The following ABTB3 variants were observed in gnomAD, a reference collection of about 807,000 sequenced individuals.
ABTB3 encodes the protein ankyrin repeat and BTB domain containing 3.
chr12:107,649,448 G>A, the ABTB3 span: 1 of 626,878 alleles, frequency 1.6e-6, no homozygotes, highest in South Asian at 2.0e-5. Flanking sequence ...TCCCAAACAG[G>A]AAGGGCTTCT....
At chr12:107,543,937 G>C in the ABTB3 span, 1 of 1,612,216 alleles carries the variant, frequency 6.2e-7, no homozygotes, top group South Asian at 1.1e-5. Flanking sequence ...GTCCACAGGT[G>C]ACCTGGTGTC....
At chr12:107,605,076 T>C in the ABTB3 span, among the ~76,000 whole-genome samples, 4 of 152,226 alleles carry the variant, frequency 2.6e-5, no homozygotes, top group Admixed American at 6.5e-5. Context: ...AAGTAATGCA[T>C]ATGGTAATTA....
the ABTB3 span, among the ~76,000 whole-genome samples, chr12:107,456,236 G>A: frequency 0.028 from 4,299 of 152,302 alleles, 211 homozygotes; most frequent in African/African-American, 0.098. Flanking sequence ...GAAAGGTTAT[G>A]TAACTCAGGG....
the ABTB3 span, chr12:107,318,832 G>A: frequency 7.7e-7 from 1 of 1,306,810 alleles, no homozygotes; most frequent in Non-Finnish European, 1.0e-6. Flanking sequence ...GTGGAAAAGT[G>A]AGCCAAGGCG....
the ABTB3 span, among the ~76,000 whole-genome samples, chr12:107,637,620 TG>T: frequency 6.6e-6 from 1 of 152,166 alleles, no homozygotes; most frequent in African/African-American, 2.4e-5. Flanking sequence ...CACCAAATAG[TG>T]GTTCTTTAGG....
At chr12:107,339,860 A>G in the ABTB3 span, among the ~76,000 whole-genome samples, 3 of 152,264 alleles carry the variant, frequency 2.0e-5, no homozygotes, top group Admixed American at 2.0e-4. Context: ...CTTCTTATCT[A>G]TGGAGGCCCC....
At chr12:107,470,014 C>CTT in the ABTB3 span, among the ~76,000 whole-genome samples, 40 of 65,454 alleles carry the variant, frequency 6.1e-4, 1 homozygote, top group Non-Finnish European at 1.0e-3. Flanking sequence ...CTTTCTTTCT[C>CTT]TCTCTCTCTC....
At chr12:107,319,642 C>T in the ABTB3 span, 2 of 1,537,078 alleles carry the variant, frequency 1.3e-6, no homozygotes, top group Non-Finnish European at 1.7e-6. Context: ...AGCACGCCGC[C>T]ATCTACCTGA....
chr12:107,444,415 C>G, the ABTB3 span, among the ~76,000 whole-genome samples: 2 of 152,188 alleles, frequency 1.3e-5, no homozygotes, highest in Non-Finnish European at 2.9e-5. Context: ...ACCCTATGAC[C>G]AGCACCTAAC....
chr12:107,462,546 G>A, the ABTB3 span, among the ~76,000 whole-genome samples: 2 of 152,130 alleles, frequency 1.3e-5, no homozygotes. Context: ...TGGTGGTAGT[G>A]ATGGTGATGT....
the ABTB3 span, among the ~76,000 whole-genome samples, chr12:107,474,063 C>T: frequency 1.3e-5 from 2 of 152,182 alleles, no homozygotes; most frequent in East Asian, 1.9e-4. Flanking sequence ...GGATTACAGG[C>T]GTGAGCCACT....
chr12:107,424,757 C>T, the ABTB3 span, among the ~76,000 whole-genome samples: 1 of 152,198 alleles, frequency 6.6e-6, no homozygotes, highest in Non-Finnish European at 1.5e-5. Context: ...AGATGACCCT[C>T]AGAACCCTAA....
At chr12:107,320,673 G>T in the ABTB3 span, 85,874 of 456,012 alleles carry the variant, frequency 0.19, 8,628 homozygotes, top group East Asian at 0.22. Context: ...AAGACTTGTC[G>T]GTGCCAAGTT....
chr12:107,644,229 G>A, the ABTB3 span, among the ~76,000 whole-genome samples: 1 of 152,240 alleles, frequency 6.6e-6, no homozygotes, highest in East Asian at 1.9e-4. Flanking sequence ...AAATGGGAAT[G>A]TGCTGAGAGT....
At chr12:107,643,733 G>A in the ABTB3 span, among the ~76,000 whole-genome samples, 1 of 147,258 alleles carries the variant, frequency 6.8e-6, no homozygotes, top group East Asian at 2.0e-4. Flanking sequence ...GCTTACACGT[G>A]TTATCTGGAT....
the ABTB3 span, among the ~76,000 whole-genome samples, chr12:107,576,822 A>G: frequency 0.15 from 22,022 of 151,680 alleles, 1,732 homozygotes; most frequent in East Asian, 0.29. Flanking sequence ...TTAATCTACT[A>G]CCTCTGGATA....
chr12:107,412,178 G>A, the ABTB3 span, among the ~76,000 whole-genome samples: 2 of 152,162 alleles, frequency 1.3e-5, no homozygotes, highest in South Asian at 2.1e-4. Flanking sequence ...ATGAGTACCG[G>A]AGACTGTGCT....
the ABTB3 span, among the ~76,000 whole-genome samples, chr12:107,426,800 C>T: frequency 1.3e-5 from 2 of 152,148 alleles, no homozygotes; most frequent in African/African-American, 2.4e-5. Flanking sequence ...CCCTCCCCTC[C>T]TCTCCCACCT....
chr12:107,493,369 C>T, the ABTB3 span, among the ~76,000 whole-genome samples: 4 of 152,278 alleles, frequency 2.6e-5, no homozygotes, highest in African/African-American at 7.2e-5. Flanking sequence ...GCAAATCAGG[C>T]CCAGGCATGA....
Sources: gnomAD v4.1 joint callset for allele counts (sites outside exome capture counted in the v4.1 genomes callset) on GRCh38, gnomAD v4.1.1 for gene constraint, MANE v1.5 for transcripts, NCBI Gene and HGNC (gene_info 2026-07-23, HGNC 2026-07-21) for gene names.